Variants in DNAJC18 observed in about 807,000 individuals in gnomAD.
The protein encoded by DNAJC18 is dnaJ homolog subfamily C member 18.
Under a neutral mutation model 48.6 loss-of-function variants are expected in DNAJC18, and 40 were observed. The ratio of observed to expected loss-of-function variants is 0.82; its 90% CI spans 0.64 to 1.07. The LOEUF (loss-of-function observed/expected upper bound fraction) is 1.07, where lower values mean the gene tolerates loss of function less well. DNAJC18 is among the 50% of genes least tolerant of loss of function. DNAJC18 has a pLI of 0.00. For synonymous variants in DNAJC18, 135 were observed against 152.2 expected (o/e 0.89, Z 0.83); for missense variants, 340 against 427.7 (o/e 0.79, Z 1.81).
intron 1 of DNAJC18, among the ~76,000 whole-genome samples, chr5:139,437,883 A>C (rs887474341): frequency 1.3e-5 from 2 of 152,216 alleles, no homozygotes; most frequent in African/African-American, 4.8e-5. Context: ...CTTGGCTAGA[A>C]GATCAAGAGG....
chr5:139,425,267 G>A (rs781273685), intron 4 of DNAJC18, among the ~76,000 whole-genome samples, 153 bp from the exon 5 acceptor site: 37 of 152,014 alleles, frequency 2.4e-4, no homozygotes, highest in Non-Finnish European at 4.7e-4. Flanking sequence ...GGGTTCAAGC[G>A]ATTCTCCTGC....
intron 3 of DNAJC18, among the ~76,000 whole-genome samples, chr5:139,427,542 GTA>G (rs1759262779): frequency 6.6e-6 from 1 of 152,146 alleles, no homozygotes. Context: ...ATGTACATAT[GTA>G]TTGTAATAAT....
At chr5:139,422,250 C>T (rs527394181) in intron 6 of DNAJC18, among the ~76,000 whole-genome samples, 35 of 152,158 alleles carry the variant, frequency 2.3e-4, no homozygotes, top group East Asian at 1.5e-3. Context: ...ATAATCTATA[C>T]GCAAAAAGCA....
At chr5:139,420,649 A>T (rs533126921) in intron 6 of DNAJC18, among the ~76,000 whole-genome samples, 6 of 151,324 alleles carry the variant, frequency 4.0e-5, no homozygotes, top group Non-Finnish European at 5.9e-5. Context: ...GATAGCTCAC[A>T]CCAACCTAGA....
At chr5:139,430,098 A>G (rs901462456) in intron 2 of DNAJC18, among the ~76,000 whole-genome samples, 10 of 152,230 alleles carry the variant, frequency 6.6e-5, no homozygotes, top group Non-Finnish European at 1.3e-4. Context: ...TGCATGGTAC[A>G]GGAAGCGAAA....
chr5:139,437,370 A>C lies in DNAJC18; in HGVS notation c.227+2T>G, dbSNP rs762051146. 1 of 1,601,298 alleles carries C rather than the reference A, an allele frequency of 6.2e-7. No individual in the cohort carries two copies. Among genetic ancestry groups the C allele is most frequent in the Non-Finnish European group, 8.5e-7 (1 of 1,174,606 alleles). On this transcript the variant is annotated splice_donor_variant, in intron 2 of 7. Transcript: ENST00000302060. LOFTEE classifies it high-confidence loss of function. ...ACTCATTTAATCTCACCACATGCTC[A>C]CCTTTGTACCCCAAGCAGCTGTTCC... is the stretch of plus-strand genomic sequence containing the variant.
intron 7 of DNAJC18, among the ~76,000 whole-genome samples, chr5:139,415,200 A>C (rs1759054060): frequency 6.6e-6 from 1 of 152,142 alleles, no homozygotes; most frequent in South Asian, 2.1e-4. Context: ...ATCTATTCTT[A>C]ATCATCTTGC....
chr5:139,424,387 C>G (rs997763282), intron 5 of DNAJC18, among the ~76,000 whole-genome samples: 1 of 152,110 alleles, frequency 6.6e-6, no homozygotes, highest in Admixed American at 6.6e-5. Flanking sequence ...ACCTTAAACC[C>G]CCTTTAGTTC....
At chr5:139,426,466 G>T (rs553926370) in intron 3 of DNAJC18, 109 bp from the exon 4 acceptor site, 6 of 1,317,772 alleles carry the variant, frequency 4.6e-6, no homozygotes, top group Non-Finnish European at 5.1e-6. Flanking sequence ...GGACAACTTC[G>T]CAGGGGCCCA....
Position 139,426,271 on chromosome 5 carries a change from C to T in DNAJC18, c.460G>A (p.Ala154Thr). The change falls in exon 4 of 8, where the codon GCC (alanine) becomes ACC (threonine). Residue 154 changes from alanine (A) to threonine (T), a missense_variant. Coordinates refer to ENST00000302060, the MANE Select transcript of DNAJC18 (RefSeq NM_152686.4). ...EYGDEQVTFT[A>T]PRARPYNYYR... ...TAATTATAAGGTCTGGCTCGAGGGG[C>T]AGTGAAAGTCACCTGTTCATCTCCG... The T allele has an allele frequency of 6.2e-7, 1 of 1,614,210 alleles. No homozygotes were observed.
chr5:139,415,474 C>T (rs1320197073), intron 7 of DNAJC18, among the ~76,000 whole-genome samples: 6 of 152,208 alleles, frequency 3.9e-5, no homozygotes, highest in Non-Finnish European at 8.8e-5. Flanking sequence ...CAATGGAGGC[C>T]GCACAGCCTG....
intron 3 of DNAJC18, among the ~76,000 whole-genome samples, chr5:139,427,562 T>A (rs972214503): frequency 1.3e-5 from 2 of 152,206 alleles, no homozygotes; most frequent in African/African-American, 4.8e-5. Flanking sequence ...AATTATACAT[T>A]TATTTTGCTG....
chr5:139,421,136 A>G (rs35999985), intron 6 of DNAJC18, among the ~76,000 whole-genome samples: 84,167 of 152,048 alleles, frequency 0.55, 25,729 homozygotes, highest in Non-Finnish European at 0.7. Context: ...AGAGGGAATC[A>G]GGCCAGTGTG....
At chr5:139,429,761 T>C (rs1466971665) in intron 2 of DNAJC18, among the ~76,000 whole-genome samples, 1 of 151,974 alleles carries the variant, frequency 6.6e-6, no homozygotes, top group East Asian at 1.9e-4. Context: ...CCTATCTCTA[T>C]GAAAAATTTT....
intron 6 of DNAJC18, 30 bp from the exon 7 acceptor site, chr5:139,420,255 G>C: frequency 1.3e-6 from 2 of 1,578,594 alleles, no homozygotes; most frequent in South Asian, 1.2e-5. Flanking sequence ...GCTCATGTGA[G>C]CTCATAATAT....
Position 139,411,233 on chromosome 5 carries a change from C to T in DNAJC18, c.*2915G>A, listed in dbSNP as rs1310421079. ...GGTTGCTAATCTGGGGACGTGGGTTCCTTCAAGCTCTTTGTGATGAGAAGG... is the reference window on the plus strand; with the variant it reads ...GGTTGCTAATCTGGGGACGTGGGTTTCTTCAAGCTCTTTGTGATGAGAAGG... On this transcript the variant is annotated 3_prime_UTR_variant, in exon 8 of 8. Transcript: ENST00000302060. 6.6e-6 allele frequency: 1 copy of T among 152,204 alleles called. No homozygotes were observed. Among genetic ancestry groups the T allele is most frequent in the East Asian group, 1.9e-4 (1 of 5,204 alleles). The allele number at this position is 152,204 out of a possible 1,614,324, so 9.4% of individuals were successfully genotyped here. A position where few individuals can be genotyped will look rare whatever the true frequency, so the allele number is the denominator to read the frequency against.
intron 7 of DNAJC18, among the ~76,000 whole-genome samples, chr5:139,419,834 G>A (rs1759123982): frequency 1.3e-5 from 2 of 152,196 alleles, no homozygotes; most frequent in South Asian, 2.1e-4. Context: ...GGTGACTAGT[G>A]CCGCCTAAAT....
intron 7 of DNAJC18, chr5:139,418,894 G>A: frequency 2.2e-6 from 1 of 455,658 alleles, no homozygotes; most frequent in South Asian, 1.5e-5. Flanking sequence ...GTCTTGCAGG[G>A]GAGACTGACA....
chr5:139,422,327 T>C (rs1759167842), intron 6 of DNAJC18, among the ~76,000 whole-genome samples: 1 of 152,234 alleles, frequency 6.6e-6, no homozygotes, highest in Admixed American at 6.5e-5. Flanking sequence ...ATCCCCATTA[T>C]TAATACTATG....
Sources: gnomAD v4.1 joint callset for allele counts (sites outside exome capture counted in the v4.1 genomes callset) on GRCh38, gnomAD v4.1.1 for gene constraint, MANE v1.5 for transcripts, NCBI Gene and HGNC (gene_info 2026-07-23, HGNC 2026-07-21) for gene names.